The following LARS1 variants were observed in gnomAD, a reference collection of about 807,000 sequenced individuals.
LARS1 encodes leucyl-tRNA synthetase 1.
In LARS1, 100 loss-of-function variants were observed where a neutral mutation model predicts 162.8. That is an observed-to-expected ratio of 0.61 (90% CI 0.52 to 0.73). The LOEUF is 0.73. Among genes scored for constraint, LARS1 ranks in the 30% least tolerant of loss-of-function variants. LARS1 has a pLI of 0.00. For synonymous variants in LARS1, 457 were observed against 462.8 expected (o/e 0.99, Z 0.16); for missense variants, 1,258 against 1,408.9 (o/e 0.89, Z 1.71).
At chr5:146,156,592 G>A (rs1246273026) in intron 10 of LARS1, among the ~76,000 whole-genome samples, 1 of 152,072 alleles carries the variant, frequency 6.6e-6, no homozygotes, top group Non-Finnish European at 1.5e-5. Flanking sequence ...CTACTCAGGA[G>A]GCTGAGGCAG....
chr5:146,115,854 CA>C (rs936909542), intron 31 of LARS1, among the ~76,000 whole-genome samples: 3 of 152,148 alleles, frequency 2.0e-5, no homozygotes, highest in African/African-American at 7.2e-5. Context: ...AATTACTTCC[CA>C]TTTCTTTCTG....
rs570330032 is a variant in LARS1, at chr5:146,116,303, C to T, written c.3326-1992G>A. 3.3e-5 allele frequency among the ~76,000 whole-genome samples: 5 copies of T among 152,274 alleles called. No homozygotes were observed. In the East Asian group the frequency reaches 7.7e-4, roughly 24 times the overall value. The stretch of plus-strand genomic sequence containing the variant: ...CTATAGATGCAGTGACAAGTTCTGC[C>T]AGCAGATTTTATGCATAAGGCCTTT... On this transcript the variant is annotated intron_variant, in intron 31 of 31. Coordinates refer to ENST00000394434, the MANE Select transcript of LARS1 (RefSeq NM_020117.11).
At chr5:146,164,032 A>G (rs1753894392) in intron 6 of LARS1, among the ~76,000 whole-genome samples, 2 of 152,210 alleles carry the variant, frequency 1.3e-5, no homozygotes, top group African/African-American at 4.8e-5. Context: ...AGTGTGTGGC[A>G]ACCCAAAACA....
chr5:146,179,305 G>A (rs1226589567), intron 1 of LARS1, among the ~76,000 whole-genome samples: 2 of 152,038 alleles, frequency 1.3e-5, no homozygotes, highest in Admixed American at 1.3e-4. Flanking sequence ...GGGATTACAG[G>A]TGCGTGCCAC....
intron 10 of LARS1, among the ~76,000 whole-genome samples, chr5:146,156,166 CACAGATATTACTAACT>C (rs1168682974): frequency 1.3e-5 from 2 of 152,138 alleles, no homozygotes; most frequent in Non-Finnish European, 2.9e-5. Flanking sequence ...ATACACAAGA[CACAGATATTACTAACT>C]ACCTCTAGAA....
At chr5:146,133,171 G>A (rs920346191) in intron 22 of LARS1, 90 bp from the exon 23 acceptor site, 1 of 1,059,716 alleles carries the variant, frequency 9.4e-7, no homozygotes, top group Admixed American at 2.7e-5. Context: ...ACCTTGCAAA[G>A]CCCATATATA....
chr5:146,114,457 G>C, intron 31 of LARS1, 146 bp from the exon 32 acceptor site: 1 of 692,712 alleles, frequency 1.4e-6, no homozygotes, highest in Non-Finnish European at 2.4e-6. Context: ...AGCCACGCTG[G>C]GTGCGGTGGC....
In LARS1 at chr5:146,122,512, G is replaced by A. The variant is rs756878325; in HGVS notation, c.3172C>T (p.Leu1058Phe). The change falls in exon 30 of 32, where the codon CTT (leucine) becomes TTT (phenylalanine). Residue 1058 changes from leucine to phenylalanine, a missense_variant. Transcript: ENST00000394434. ...CTTACTTCTATTCTAAAAACATTAAGTGGTTTCCCAGGACAGCAGTCTTCC... is the reference window on the plus strand; with the variant it reads ...CTTACTTCTATTCTAAAAACATTAAATGGTTTCCCAGGACAGCAGTCTTCC... ...IREDCCPGKP[L>F]NVFRIEPGVS... 45 of 1,600,820 alleles carry A rather than the reference G, an allele frequency of 2.8e-5. No individual in the cohort carries two copies. Among genetic ancestry groups the A allele is most frequent in the Non-Finnish European group, 3.5e-5 (41 of 1,169,758 alleles).
At chr5:146,115,724 T>C (rs12186358) in intron 31 of LARS1, among the ~76,000 whole-genome samples, 47,519 of 151,998 alleles carry the variant, frequency 0.31, 7,996 homozygotes, top group Admixed American at 0.39. Flanking sequence ...GGTTTTATTT[T>C]ATATGGCAGA....
intron 24 of LARS1, 26 bp from the exon 25 acceptor site, chr5:146,130,184 T>C (rs937755911): frequency 4.4e-6 from 7 of 1,606,248 alleles, no homozygotes; most frequent in Non-Finnish European, 6.0e-6. Flanking sequence ...TTATTTACCA[T>C]TTCCCTCACC....
At chr5:146,150,643 A>AG (rs1384882577) in intron 14 of LARS1, among the ~76,000 whole-genome samples, 1 of 150,770 alleles carries the variant, frequency 6.6e-6, no homozygotes, top group Non-Finnish European at 1.5e-5. Context: ...AAAAAAAAAA[A>AG]GAACACAAAT....
At chr5:146,131,658 T>TG (rs1443257405) in intron 23 of LARS1, 1 of 142,150 alleles carries the variant, frequency 7.0e-6, no homozygotes, top group African/African-American at 2.7e-5. Flanking sequence ...ACCCAGCTAA[T>TG]TTTTTTTTTT....
intron 27 of LARS1, among the ~76,000 whole-genome samples, 187 bp from the exon 28 acceptor site, chr5:146,126,732 C>T (rs2126401452): frequency 6.6e-6 from 1 of 152,006 alleles, no homozygotes; most frequent in East Asian, 1.9e-4. Context: ...CTCTCCTATT[C>T]TCTATAAATT....
At position 146,132,897 on chromosome 5, in the gene LARS1, C is replaced by T. The variant is rs1752346155; in HGVS notation, c.2396+1G>A. 2 of 1,611,242 alleles carry T rather than the reference C, an allele frequency of 1.2e-6. No homozygotes were observed. Among genetic ancestry groups the T allele is most frequent in the Non-Finnish European group, 1.7e-6 (2 of 1,178,210 alleles). The stretch of plus-strand genomic sequence containing the variant: ...CAAAATGATTGGGATCTACAGATTA[C>T]CTGGCAAAAACTCTATCATTGAAAG... On this transcript the variant is annotated splice_donor_variant, in intron 23 of 31. Coordinates refer to ENST00000394434, the MANE Select transcript of LARS1 (RefSeq NM_020117.11). LOFTEE classifies it high-confidence loss of function.
intron 27 of LARS1, among the ~76,000 whole-genome samples, chr5:146,127,707 G>T (rs555549309): frequency 6.6e-6 from 1 of 152,160 alleles, no homozygotes; most frequent in East Asian, 1.9e-4. Context: ...TCTGCAAGCA[G>T]ATTCTAAAGG....
intron 1 of LARS1, chr5:146,179,547 A>G (rs536172259): frequency 9.7e-6 from 2 of 205,656 alleles, no homozygotes; most frequent in East Asian, 1.7e-4. Context: ...AAGCCTAGTC[A>G]TATCTCCTAC....
chr5:146,166,086 G>A (rs1753991475), intron 5 of LARS1, among the ~76,000 whole-genome samples: 1 of 152,156 alleles, frequency 6.6e-6, no homozygotes, highest in Non-Finnish European at 1.5e-5. Context: ...GTGCCTAGAA[G>A]CAGTGATACC....
rs1334898625 is a variant in LARS1, at chr5:146,168,139, T to C, written c.421A>G (p.Lys141Glu). ...AACCACTATCAAACCTTTTTTCCTTTAGCTTTATCCTTAATTATTATATCT... is the reference window on the plus strand; with the variant it reads ...AACCACTATCAAACCTTTTTTCCTTCAGCTTTATCCTTAATTATTATATCT... The part of the protein sequence containing the change: ...TEDIIIKDKA[K>E]GKKSKAAAKA... The change falls in exon 5 of 32, where the codon AAA becomes GAA. Residue 141 changes from lysine (K) to glutamate (E), a missense_variant. Lys to Glu is a moderately conservative substitution (Grantham distance 56). Transcript: ENST00000394434. 1.9e-6 allele frequency: 3 copies of C among 1,601,724 alleles called. No homozygotes were observed. Among genetic ancestry groups the C allele is most frequent in the Non-Finnish European group, 2.6e-6 (3 of 1,173,288 alleles).
intron 7 of LARS1, 60 bp downstream of exon 7, chr5:146,160,314 G>A: frequency 3.3e-6 from 3 of 915,378 alleles, no homozygotes; most frequent in Non-Finnish European, 4.8e-6. Context: ...GGGATTACAG[G>A]CGTGAGCCTC....
Sources: gnomAD v4.1 joint callset for allele counts (sites outside exome capture counted in the v4.1 genomes callset) on GRCh38, gnomAD v4.1.1 for gene constraint, MANE v1.5 for transcripts, NCBI Gene and HGNC (gene_info 2026-07-23, HGNC 2026-07-21) for gene names.